DOCK8: variants seen among roughly 807,000 people sequenced by gnomAD.
DOCK8 encodes dedicator of cytokinesis protein 8.
DOCK8 carries 141 observed loss-of-function variants against 245.6 expected under a neutral mutation model. The ratio of observed to expected loss-of-function variants is 0.57; its 90% confidence interval spans 0.50 to 0.66. DOCK8 has a LOEUF of 0.66. Ranked by LOEUF, DOCK8 falls within the 30% of genes least tolerant of loss-of-function variation. The probability of loss-of-function intolerance (pLI) is 0.00; values close to 1 mark genes in which losing one functional copy is unlikely to be tolerated. For missense variants in DOCK8, 2,965 were observed against 2,603.4 expected (o/e 1.14, Z -3.02); for synonymous variants, 1,168 against 970.2 (o/e 1.20, Z -3.79).
In DOCK8 at chr9:421,038, G is replaced by C. The variant is rs752266324; in HGVS notation, c.4113G>C (p.Gly1371=). The C allele has an allele frequency of 4.3e-6, 7 of 1,614,092 alleles. No homozygotes were observed. The highest frequency in any genetic ancestry group is 1.6e-4 in the Middle Eastern group (1 of 6,082). The part of the protein sequence containing the change: ...KARLEEALLR[G]EGARGEMMRR... ...GGCTGGAAGAGGCTTTGCTCCGTGG[G>C]GAAGGGGCCAGAGGGGAGATGATGC... Residue 1371 remains glycine, a synonymous_variant, in exon 32 of 48, where the codon GGG becomes GGC. Coordinates refer to ENST00000432829, the MANE Select transcript of DOCK8 (RefSeq NM_203447.4).
At chr9:335,567 A>G (rs1231853829) in intron 11 of DOCK8, among the ~76,000 whole-genome samples, 3 of 152,116 alleles carry the variant, frequency 2.0e-5, no homozygotes, top group African/African-American at 7.2e-5. Context: ...ACTTTACCAC[A>G]TCCTGATCTT....
chr9:450,755 G>GT (rs1465211302), intron 45 of DOCK8, among the ~76,000 whole-genome samples: 1 of 151,652 alleles, frequency 6.6e-6, no homozygotes, highest in Non-Finnish European at 1.5e-5. Context: ...GTTTGCCTTT[G>GT]TAAGTGCCAA....
At chr9:267,026 C>T (rs2048049155) in intron 1 of DOCK8, among the ~76,000 whole-genome samples, 1 of 152,010 alleles carries the variant, frequency 6.6e-6, no homozygotes, top group African/African-American at 2.4e-5. Context: ...GACAGATGTC[C>T]CCCTTCACTA....
At chr9:365,682 T>C (rs1272365008) in intron 14 of DOCK8, 1 of 444,360 alleles carries the variant, frequency 2.3e-6, no homozygotes, top group Non-Finnish European at 4.5e-6. Context: ...CTAAGTAACT[T>C]GCCAAAGGCC....
At chr9:222,901 A>G (rs2046916313) in intron 1 of DOCK8, among the ~76,000 whole-genome samples, 2 of 152,254 alleles carry the variant, frequency 1.3e-5, no homozygotes, top group Non-Finnish European at 2.9e-5. Context: ...TGCCTAAGCC[A>G]TAGCCCTTTT....
intron 24 of DOCK8, among the ~76,000 whole-genome samples, chr9:393,485 A>G (rs374886278): frequency 4.6e-5 from 7 of 152,250 alleles, no homozygotes; most frequent in African/African-American, 1.7e-4. Context: ...AAATTTACAG[A>G]TGGGGTTGGA....
At chr9:403,924 ATATATGTG>A (rs1272341484) in intron 26 of DOCK8, among the ~76,000 whole-genome samples, 10 of 79,768 alleles carry the variant, frequency 1.3e-4, no homozygotes, top group Admixed American at 8.7e-4. Context: ...ATACATATAT[ATATATGTG>A]TATATATATA....
intron 26 of DOCK8, among the ~76,000 whole-genome samples, chr9:400,631 A>ACAACAT (rs1330815896): frequency 2.5e-5 from 3 of 117,810 alleles, no homozygotes; most frequent in Non-Finnish European, 5.1e-5. Flanking sequence ...CACCATCACC[A>ACAACAT]CCACCTCCAC....
intron 1 of DOCK8, among the ~76,000 whole-genome samples, chr9:221,267 C>G (rs1249215103): frequency 6.6e-6 from 1 of 152,064 alleles, no homozygotes; most frequent in African/African-American, 2.4e-5. Flanking sequence ...ACCAGTTTCT[C>G]CAGCTGTCTA....
At position 420,430 on chromosome 9, in the gene DOCK8, G is replaced by C; in HGVS notation, c.3870G>C (p.Ala1290=). 1 of 1,614,096 alleles carries C rather than the reference G, an allele frequency of 6.2e-7. No homozygotes were observed. The highest frequency in any genetic ancestry group is 8.5e-7 in the Non-Finnish European group (1 of 1,180,036). The change falls in exon 31 of 48, where the codon GCG becomes GCC. Residue 1290 remains alanine (A), a synonymous_variant. Transcript: ENST00000432829. ...ATAAGCAGTACAACATGCTGAACGC[G>C]GACACTACTCGCAACCTCATGATCT... ...LPYKQYNMLN[A]DTTRNLMICF...
chr9:302,839 A>T lies in DOCK8; in HGVS notation c.405-1742A>T, dbSNP rs574980443. Among the ~76,000 whole-genome samples, 9 of 152,298 alleles carry T rather than the reference A, an allele frequency of 5.9e-5. No individual in the cohort carries two copies. The East Asian group carries it at 1.7e-3, about 29-fold the overall frequency. ...TCAGAATGCCTGTTATTGAAAAGTC[A>T]TAAAATAGACTGGGCATGTGGCTTA... is the stretch of plus-strand genomic sequence containing the variant. On this transcript the variant is annotated intron_variant, in intron 4 of 47. Transcript: ENST00000432829.
intron 30 of DOCK8, among the ~76,000 whole-genome samples, chr9:419,435 C>G (rs1487354349): frequency 6.6e-6 from 1 of 152,140 alleles, no homozygotes; most frequent in Non-Finnish European, 1.5e-5. Flanking sequence ...TGGTATATGC[C>G]TTTTACATTA....
rs752810601 is a variant in DOCK8 at position 336,644 on chromosome 9, C to T, written c.1348C>T (p.Leu450Phe). 1.2e-6 allele frequency: 2 copies of T among 1,614,152 alleles called. No individual in the cohort carries two copies. The highest frequency in any genetic ancestry group is 8.5e-7 in the Non-Finnish European group (1 of 1,180,020). Residue 450 changes from leucine to phenylalanine, a missense_variant, in exon 12 of 48, where the codon CTC (leucine) becomes TTC (phenylalanine). Physicochemically the swap from Leu to Phe is conservative, Grantham distance 22. Transcript: ENST00000432829. Reference protein sequence around the residue: ...AQSRRLSERALSLEENGVGSN... With the variant: ...AQSRRLSERAFSLEENGVGSN... ...ATCTAGAAGGCTTTCTGAAAGAGCC[C>T]TCTCCTTGGAGGAAAATGGGGTTGG...
intron 1 of DOCK8, among the ~76,000 whole-genome samples, chr9:245,398 G>C (rs1022810350): frequency 6.6e-6 from 1 of 151,890 alleles, no homozygotes; most frequent in Non-Finnish European, 1.5e-5. Context: ...TGTACAGATG[G>C]TGTTTCACCA....
intron 1 of DOCK8, among the ~76,000 whole-genome samples, chr9:245,009 C>T (rs1416011530): frequency 6.6e-6 from 1 of 152,056 alleles, no homozygotes; most frequent in Non-Finnish European, 1.5e-5. Context: ...GACCACTGGC[C>T]ACTTGTTTTT....
chr9:213,332 G>A (rs2046652089), upstream of DOCK8: 1 of 152,110 alleles, frequency 6.6e-6, no homozygotes, highest in South Asian at 2.1e-4. Flanking sequence ...ATAGTCCTTA[G>A]GTGGATTTTA....
intron 24 of DOCK8, among the ~76,000 whole-genome samples, chr9:390,901 A>G (rs10814653): frequency 0.2 from 30,317 of 152,122 alleles, 3,235 homozygotes; most frequent in Middle Eastern, 0.26. Flanking sequence ...ATGGCAGCCA[A>G]TACTAAACAG....
chr9:262,353 A>T (rs950629672), intron 1 of DOCK8, among the ~76,000 whole-genome samples: 2 of 151,798 alleles, frequency 1.3e-5, no homozygotes, highest in African/African-American at 4.8e-5. Context: ...GAATGTATCC[A>T]TATAAAGATT....
chr9:332,122 A>G (rs1057455468), intron 9 of DOCK8, among the ~76,000 whole-genome samples: 3 of 152,242 alleles, frequency 2.0e-5, no homozygotes, highest in East Asian at 1.9e-4. Context: ...GGAAGAAAAT[A>G]AAAATCACAC....
Sources: allele counts gnomAD v4.1 joint callset (sites outside exome capture counted in the v4.1 genomes callset), GRCh38; gene constraint gnomAD v4.1.1; transcripts MANE v1.5; gene names NCBI Gene and HGNC (gene_info 2026-07-23, HGNC 2026-07-21).